GALNT18: variants seen among roughly 807,000 people sequenced by gnomAD.
GALNT18 encodes the protein polypeptide N-acetylgalactosaminyltransferase 18, also known as GalNAc-transferase 18.
In GALNT18, 44 loss-of-function variants were observed where a neutral mutation model predicts 69.5. The ratio of observed to expected loss-of-function variants is 0.63; its 90% CI spans 0.50 to 0.81. GALNT18 has a LOEUF of 0.81. Ranked by LOEUF, GALNT18 falls within the 40% of genes least tolerant of loss-of-function variation. The pLI is 0.00. For synonymous variants in GALNT18, 364 were observed against 318.2 expected (o/e 1.14, Z -1.53); for missense variants, 715 against 810.0 (o/e 0.88, Z 1.42).
At position 11,506,903 on chromosome 11, in the gene GALNT18, C is replaced by T. The variant is rs114640645; in HGVS notation, c.236-57967G>A. On this transcript the variant is annotated intron_variant, in intron 1 of 10. Transcript: ENST00000227756. ...AGATAATCCTATGTCCCTTCCCAAA[C>T]CACATTTTCACTTCTTCATCTTCCA... Among the ~76,000 whole-genome samples, 1,017 of 152,308 alleles carry T rather than the reference C, an allele frequency of 6.7e-3. 12 individuals carry two copies. Among genetic ancestry groups the T allele is most frequent in the African/African-American group, 0.023 (956 of 41,560 alleles).
At chr11:11,488,758 A>G (rs1487572176) in intron 1 of GALNT18, among the ~76,000 whole-genome samples, 1 of 152,066 alleles carries the variant, frequency 6.6e-6, no homozygotes, top group Non-Finnish European at 1.5e-5. Flanking sequence ...TAAGAGTGAG[A>G]GGGCCACTTC....
At position 11,596,353 on chromosome 11, in the gene GALNT18, A is replaced by G. The variant is rs759856815; in HGVS notation, c.235+25006T>C. 5.3e-5 allele frequency among the ~76,000 whole-genome samples: 8 copies of G among 152,126 alleles called. No individual in the cohort carries two copies. Among genetic ancestry groups the G allele is most frequent in the Non-Finnish European group, 1.0e-4 (7 of 67,998 alleles). ...CATTTTGTTTTTGTTTTTCAAGATT[A>G]TTTGGCTAGCCTGTATACCTTAAAT... On this transcript the variant is annotated intron_variant, in intron 1 of 10. Transcript: ENST00000227756. The surrounding 1 kb of genome is among the most constrained non-coding windows in gnomAD (Gnocchi z 4.2).
At chr11:11,560,591 G>A (rs1335433371) in intron 1 of GALNT18, among the ~76,000 whole-genome samples, 2 of 152,166 alleles carry the variant, frequency 1.3e-5, no homozygotes, top group African/African-American at 2.4e-5. Context: ...CTGGAAGGGC[G>A]CTGTCCCCAC....
At position 11,538,128 on chromosome 11, in the gene GALNT18, G is replaced by A. The variant is rs879524840; in HGVS notation, c.235+83231C>T. 2.0e-5 allele frequency among the ~76,000 whole-genome samples: 3 copies of A among 152,176 alleles called. No homozygotes were observed. Among genetic ancestry groups the A allele is most frequent in the South Asian group, 2.1e-4 (1 of 4,828 alleles). ...TATCATCGACCTTGTTTTGCAGAGG[G>A]TGAAATTCAGGCTGGAAGAGTGGGT... is the stretch of plus-strand genomic sequence containing the variant. On this transcript the variant is annotated intron_variant, in intron 1 of 10. Transcript: ENST00000227756. This position sits in a 1 kb window ranked among gnomAD's most constrained non-coding sequence, Gnocchi z 5.2.
chr11:11,582,644 T>A lies in GALNT18; in HGVS notation c.235+38715A>T, dbSNP rs913766038. ...CGTGTGAAGCAGCGCAGACTTTCAG[T>A]ATGCAGTAGAAATACACATTGAGGG... On this transcript the variant is annotated intron_variant, in intron 1 of 10. Transcript: ENST00000227756. This position sits in a 1 kb window ranked among gnomAD's most constrained non-coding sequence, Gnocchi z 5.0. Among the ~76,000 whole-genome samples, 4 of 152,246 alleles carry A rather than the reference T, an allele frequency of 2.6e-5. No homozygotes were observed. Among genetic ancestry groups the A allele is most frequent in the Non-Finnish European group, 4.4e-5 (3 of 68,046 alleles).
chr11:11,301,703 C>CAAACT (rs1849497677), intron 9 of GALNT18, among the ~76,000 whole-genome samples: 1 of 152,188 alleles, frequency 6.6e-6, no homozygotes, highest in Admixed American at 6.5e-5. Context: ...GTAGCTGGAA[C>CAAACT]TCAGCCCATC....
At position 11,605,945 on chromosome 11, in the gene GALNT18, T is replaced by C. The variant is rs2133953558; in HGVS notation, c.235+15414A>G. Among the ~76,000 whole-genome samples the C allele has an allele frequency of 6.6e-6, 1 of 152,274 alleles. No individual in the cohort carries two copies. Among genetic ancestry groups the C allele is most frequent in the East Asian group, 1.9e-4 (1 of 5,174 alleles). The stretch of plus-strand genomic sequence containing the variant: ...ACACACCACTGAGCTTCAGCTTCCC[T>C]TTGATTAAATCTTGACACAGTAATG... On this transcript the variant is annotated intron_variant, in intron 1 of 10. Coordinates refer to ENST00000227756, the MANE Select transcript of GALNT18 (RefSeq NM_198516.3). The surrounding 1 kb of genome is among the most constrained non-coding windows in gnomAD (Gnocchi z 4.7).
chr11:11,513,408 A>C (rs1399566753), intron 1 of GALNT18, among the ~76,000 whole-genome samples: 1 of 152,182 alleles, frequency 6.6e-6, no homozygotes, highest in African/African-American at 2.4e-5. Context: ...TTTTGGGAGA[A>C]TCTGACTCTG....
Position 11,596,980 on chromosome 11 carries a change from A to G in GALNT18, c.235+24379T>C, listed in dbSNP as rs1171246523. Among the ~76,000 whole-genome samples the G allele has an allele frequency of 1.3e-5, 2 of 152,090 alleles. No individual in the cohort carries two copies. Among genetic ancestry groups the G allele is most frequent in the African/African-American group, 2.4e-5 (1 of 41,418 alleles). On this transcript the variant is annotated intron_variant, in intron 1 of 10. Coordinates refer to ENST00000227756, the MANE Select transcript of GALNT18 (RefSeq NM_198516.3). This position sits in a 1 kb window ranked among gnomAD's most constrained non-coding sequence, Gnocchi z 4.2. Reference sequence around the variant, plus strand: ...CATCAGGTTGTTGAAATTATCTTCAATTCCTAGTTTATTGAGTGTTTTCAT... The same window carrying G: ...CATCAGGTTGTTGAAATTATCTTCAGTTCCTAGTTTATTGAGTGTTTTCAT...
chr11:11,485,422 G>T (rs907880525), intron 1 of GALNT18, among the ~76,000 whole-genome samples: 6 of 152,198 alleles, frequency 3.9e-5, no homozygotes, highest in African/African-American at 1.4e-4. Context: ...ATGTTTACCA[G>T]TGTATTATAA....
chr11:11,552,929 G>A (rs1359036694), intron 1 of GALNT18, among the ~76,000 whole-genome samples: 4 of 152,150 alleles, frequency 2.6e-5, no homozygotes, highest in Non-Finnish European at 4.4e-5. Context: ...ACTCCAGACT[G>A]AGATCAGCAG....
chr11:11,530,999 C>T (rs1857634290), intron 1 of GALNT18, among the ~76,000 whole-genome samples: 1 of 152,190 alleles, frequency 6.6e-6, no homozygotes, highest in Non-Finnish European at 1.5e-5. Flanking sequence ...CACTGTGACG[C>T]CATGCCTTGC....
rs1345248237 is a variant in GALNT18 at position 11,444,703 on chromosome 11, G to C, written c.428+4041C>G. Among the ~76,000 whole-genome samples the C allele has an allele frequency of 1.3e-5, 2 of 152,154 alleles. No homozygotes were observed. Among genetic ancestry groups the C allele is most frequent in the Non-Finnish European group, 1.5e-5 (1 of 68,034 alleles). On this transcript the variant is annotated intron_variant, in intron 2 of 10. Coordinates refer to ENST00000227756, the MANE Select transcript of GALNT18 (RefSeq NM_198516.3). This position sits in a 1 kb window ranked among gnomAD's most constrained non-coding sequence, Gnocchi z 4.4. Reference sequence around the variant, plus strand: ...CTAGCTAGAGGTGAGAGAAAGGAGGGTGGGCAGGATTCTGAACACTCACTT... The same window carrying C: ...CTAGCTAGAGGTGAGAGAAAGGAGGCTGGGCAGGATTCTGAACACTCACTT...
chr11:11,288,206 A>T (rs1849228621), intron 10 of GALNT18, among the ~76,000 whole-genome samples: 1 of 152,108 alleles, frequency 6.6e-6, no homozygotes, highest in Admixed American at 6.6e-5. Context: ...AACAACCATC[A>T]TTATCTGCTC....
At position 11,621,916 on chromosome 11, in the gene GALNT18, C is replaced by T; in HGVS notation, c.-323G>A. The stretch of plus-strand genomic sequence containing the variant: ...AGATGTGTACGTCTGGGAAACTTTG[C>T]CACTGCCTGTGTCGGCGGCCACGCC... On this transcript the variant is annotated 5_prime_UTR_variant, in exon 1 of 11. Coordinates refer to ENST00000227756, the MANE Select transcript of GALNT18 (RefSeq NM_198516.3). The surrounding 1 kb of genome is among the most constrained non-coding windows in gnomAD (Gnocchi z 9.3). The T allele has an allele frequency of 4.6e-6, 1 of 215,578 alleles. No individual in the cohort carries two copies. The highest frequency in any genetic ancestry group is 9.1e-6 in the Non-Finnish European group (1 of 109,590). The allele number at this position is 215,578 out of a possible 1,614,324, so 13.4% of individuals were successfully genotyped here. A position where few individuals can be genotyped will look rare whatever the true frequency, so the allele number is the denominator to read the frequency against.
chr11:11,547,937 G>A (rs369396124), intron 1 of GALNT18, among the ~76,000 whole-genome samples: 101 of 152,224 alleles, frequency 6.6e-4, no homozygotes, highest in Middle Eastern at 3.4e-3. Flanking sequence ...CCTTGCATGT[G>A]CCATTCCCTC....
intron 1 of GALNT18, among the ~76,000 whole-genome samples, chr11:11,532,727 T>C (rs1302789952): frequency 6.6e-6 from 1 of 152,230 alleles, no homozygotes; most frequent in Non-Finnish European, 1.5e-5. Flanking sequence ...GGCTGACCCT[T>C]GGTCAAAGCC....
Position 11,617,955 on chromosome 11 carries a change from C to G in GALNT18, c.235+3404G>C, listed in dbSNP as rs757541119. ...TTTAAAAACTCATAAGTTATCCACC[C>G]TCTCATTTAACGTCTATTTGGTCAA... is the stretch of plus-strand genomic sequence containing the variant. On this transcript the variant is annotated intron_variant, in intron 1 of 10. Transcript: ENST00000227756. The surrounding 1 kb of genome is among the most constrained non-coding windows in gnomAD (Gnocchi z 4.7). Among the ~76,000 whole-genome samples, 1 of 152,196 alleles carries G rather than the reference C, an allele frequency of 6.6e-6. No individual in the cohort carries two copies. The highest frequency in any genetic ancestry group is 1.5e-5 in the Non-Finnish European group (1 of 68,040).
Position 11,516,664 on chromosome 11 carries a change from G to A in GALNT18, c.236-67728C>T, listed in dbSNP as rs778252412. Among the ~76,000 whole-genome samples the A allele has an allele frequency of 5.9e-5, 9 of 152,060 alleles. No homozygotes were observed. In the South Asian group the frequency reaches 6.2e-4, roughly 11 times the overall value. ...AACAAAACAGAAAAAGAAAAGTCCT[G>A]TAACCCCTCAGAGTCTGCCTTTCCT... On this transcript the variant is annotated intron_variant, in intron 1 of 10. Coordinates refer to ENST00000227756, the MANE Select transcript of GALNT18 (RefSeq NM_198516.3).
Sources: gnomAD v4.1 joint callset for allele counts (sites outside exome capture counted in the v4.1 genomes callset) on GRCh38, gnomAD v4.1.1 for gene constraint, Gnocchi (gnomAD v3.1) non-coding constraint, MANE v1.5 for transcripts, NCBI Gene and HGNC (gene_info 2026-07-23, HGNC 2026-07-21) for gene names.